The following LARGE1 variants were observed in gnomAD, a reference collection of about 807,000 sequenced individuals.
The protein encoded by LARGE1 is xylosyl- and glucuronyltransferase LARGE1.
A neutral mutation model predicts 87.6 loss-of-function variants in LARGE1; 43 were observed. The observed-to-expected ratio is 0.49, with a 90% CI of 0.38 to 0.63. The LOEUF is 0.63. LARGE1 is among the 30% of genes least tolerant of loss of function. The pLI is 0.00. For missense variants in LARGE1, 802 were observed against 1,000.2 expected (o/e 0.80, Z 2.67); for synonymous variants, 434 against 394.6 (o/e 1.10, Z -1.18).
At chr22:33,183,145 T>A (rs553780890) in intron 11 of LARGE1, among the ~76,000 whole-genome samples, 6 of 151,956 alleles carry the variant, frequency 3.9e-5, no homozygotes, top group Admixed American at 3.9e-4. Flanking sequence ...AGCAGAAAAG[T>A]TAACCCAGTG....
Position 33,391,764 on chromosome 22 carries a change from CCTTT to C in LARGE1, c.893-7464_893-7461del, listed in dbSNP as rs1458568296. On this transcript the variant is annotated intron_variant, in intron 7 of 14. Coordinates refer to ENST00000397394, the MANE Select transcript of LARGE1 (RefSeq NM_133642.5). ...ATTATCCACAGGTTATTTCCTTTTT[CCTTT>C]TTTTTTTTTTTTTTTTTTTGAGACG... 9.9e-3 allele frequency among the ~76,000 whole-genome samples: 1,401 copies of C among 141,808 alleles called. 40 individuals carry two copies. The highest frequency in any genetic ancestry group is 0.033 in the African/African-American group (1,230 of 37,610). The allele number at this position is 141,808 out of a possible 152,430, so 93.0% of individuals were successfully genotyped here.
intron 1 of LARGE1, among the ~76,000 whole-genome samples, chr22:33,849,535 C>T (rs926354438): frequency 2.0e-5 from 3 of 151,778 alleles, no homozygotes; most frequent in African/African-American, 4.8e-5. Flanking sequence ...GGGTACTAGA[C>T]ACCAGGCTAT....
chr22:33,079,448 C>T, the LARGE1 span, among the ~76,000 whole-genome samples: 1 of 151,904 alleles, frequency 6.6e-6, no homozygotes, highest in Non-Finnish European at 1.5e-5. Context: ...AGCATGGTCT[C>T]GATCTCCTGA....
At chr22:33,650,792 C>T in intron 2 of LARGE1, 124 bp from the exon 3 acceptor site, 2 of 1,085,312 alleles carry the variant, frequency 1.8e-6, no homozygotes, top group Non-Finnish European at 2.7e-6. Context: ...TTAAGGAAAA[C>T]AGATGGAAAG....
intron 1 of LARGE1, among the ~76,000 whole-genome samples, chr22:33,829,232 C>A (rs1015882705): frequency 3.3e-5 from 5 of 151,934 alleles, no homozygotes; most frequent in African/African-American, 1.2e-4. Flanking sequence ...TGGTCTCGAA[C>A]TCCTGACCTC....
At chr22:33,917,740 T>C (rs1259840199) in intron 1 of LARGE1, among the ~76,000 whole-genome samples, 2 of 152,168 alleles carry the variant, frequency 1.3e-5, no homozygotes, top group African/African-American at 4.8e-5. Flanking sequence ...AGTTAACTGG[T>C]TCTGAGTTGT....
Position 33,607,434 on chromosome 22 carries a change from C to A in LARGE1, c.492-2876G>T, listed in dbSNP as rs181844315. ...CAAGATCGTGCCATTGCACTCCAGCCTGGGCAACAAGAGCAAAACTGCATC... is the reference window on the plus strand; with the variant it reads ...CAAGATCGTGCCATTGCACTCCAGCATGGGCAACAAGAGCAAAACTGCATC... On this transcript the variant is annotated intron_variant, in intron 4 of 14. Coordinates refer to ENST00000397394, the MANE Select transcript of LARGE1 (RefSeq NM_133642.5). Among the ~76,000 whole-genome samples the A allele has an allele frequency of 5.3e-4, 64 of 120,240 alleles. 3 individuals carry two copies. In the East Asian group the frequency reaches 7.2e-3, roughly 13 times the overall value. The allele number at this position is 120,240 out of a possible 152,430, so 78.9% of individuals were successfully genotyped here. A position where few individuals can be genotyped will look rare whatever the true frequency, so the allele number is the denominator to read the frequency against.
At chr22:33,160,903 G>C (rs912373049), downstream of LARGE1, among the ~76,000 whole-genome samples, 7 of 152,220 alleles carry the variant, frequency 4.6e-5, no homozygotes, top group East Asian at 1.3e-3. Flanking sequence ...GTGAAGATTT[G>C]AATTTCCCTT....
At chr22:33,394,921 A>C (rs866774565) in intron 7 of LARGE1, among the ~76,000 whole-genome samples, 1 of 152,064 alleles carries the variant, frequency 6.6e-6, no homozygotes, top group South Asian at 2.1e-4. Flanking sequence ...GGAAGATCCC[A>C]ATCATTATAA....
chr22:33,247,047 A>ATG lies in LARGE1; in HGVS notation c.1730+57180_1730+57181dup, dbSNP rs10532057. On this transcript the variant is annotated intron_variant, in intron 11 of 11. Transcript: ENST00000608642. ...TTACTATGAGAGAACTGCAGCCAGTATGTGTGTGTGTGTGTGTGTGTGTGT... is the reference window on the plus strand; with the variant it reads ...TTACTATGAGAGAACTGCAGCCAGTATGTGTGTGTGTGTGTGTGTGTGTGTGT... 5.4e-3 allele frequency among the ~76,000 whole-genome samples: 794 copies of ATG among 146,258 alleles called. 8 individuals carry two copies. The highest frequency in any genetic ancestry group is 0.011 in the African/African-American group (451 of 40,134).
At chr22:33,457,204 T>C (rs1032383772) in intron 6 of LARGE1, among the ~76,000 whole-genome samples, 1 of 151,326 alleles carries the variant, frequency 6.6e-6, no homozygotes, top group Non-Finnish European at 1.5e-5. Context: ...CTTGGCTCAC[T>C]GAAACCTCTG....
the LARGE1 span, among the ~76,000 whole-genome samples, chr22:33,125,009 T>C: frequency 4.6e-5 from 7 of 152,210 alleles, no homozygotes; most frequent in East Asian, 1.3e-3. Context: ...CTACTTCTAA[T>C]GACATGCTAA....
chr22:33,432,493 T>C (rs866307700), intron 6 of LARGE1, among the ~76,000 whole-genome samples: 2 of 152,194 alleles, frequency 1.3e-5, no homozygotes, highest in African/African-American at 2.4e-5. Context: ...AGAGAAGAAA[T>C]AGAGGCCCAG....
chr22:33,674,752 T>TC (rs1271826944), intron 2 of LARGE1, among the ~76,000 whole-genome samples: 1 of 152,114 alleles, frequency 6.6e-6, no homozygotes, highest in Non-Finnish European at 1.5e-5. Flanking sequence ...TCCCCTGAAA[T>TC]CCCCAACACG....
intron 2 of LARGE1, among the ~76,000 whole-genome samples, chr22:33,665,335 T>A (rs1351663306): frequency 6.6e-6 from 1 of 152,218 alleles, no homozygotes; most frequent in African/African-American, 2.4e-5. Context: ...GAGTCTTCTG[T>A]GGATCTGTTT....
chr22:33,581,291 G>C (rs2078511753), intron 5 of LARGE1, among the ~76,000 whole-genome samples: 1 of 152,120 alleles, frequency 6.6e-6, no homozygotes, highest in Non-Finnish European at 1.5e-5. Context: ...CTTTATCATG[G>C]GAAACAGATG....
intron 6 of LARGE1, among the ~76,000 whole-genome samples, chr22:33,466,610 C>G (rs1268530570): frequency 6.6e-6 from 1 of 151,932 alleles, no homozygotes; most frequent in Non-Finnish European, 1.5e-5. Flanking sequence ...ATCAAACACC[C>G]ACTATCCCAA....
At chr22:33,553,399 C>G (rs2077585802) in intron 6 of LARGE1, among the ~76,000 whole-genome samples, 1 of 151,948 alleles carries the variant, frequency 6.6e-6, no homozygotes. Flanking sequence ...GCCTACAGTC[C>G]CAACTACTCT....
chr22:33,759,913 A>AC (rs931416069), intron 2 of LARGE1, among the ~76,000 whole-genome samples: 23 of 152,186 alleles, frequency 1.5e-4, no homozygotes, highest in African/African-American at 5.5e-4. Flanking sequence ...CCAGGGATGC[A>AC]CCTAAAGGGT....
Sources: allele counts gnomAD v4.1 joint callset (sites outside exome capture counted in the v4.1 genomes callset), GRCh38; gene constraint gnomAD v4.1.1; transcripts MANE v1.5; gene names NCBI Gene and HGNC (gene_info 2026-07-23, HGNC 2026-07-21).